EXD3: variants seen among roughly 807,000 people sequenced by gnomAD.
The protein encoded by EXD3 is exonuclease 3'-5' domain containing 3, also known as exonuclease mut-7 homolog.
Under a neutral mutation model 98.0 loss-of-function variants are expected in EXD3, and 92 were observed. The observed-to-expected ratio is 0.94, with a 90% CI of 0.79 to 1.12. The LOEUF (loss-of-function observed/expected upper bound fraction) is 1.12. Among genes scored for constraint, EXD3 ranks in the 50% most tolerant of loss-of-function variants. The probability of loss-of-function intolerance (pLI) is 0.00; values close to 1 mark genes in which losing one functional copy is unlikely to be tolerated. For synonymous variants in EXD3, 569 were observed against 526.0 expected, an observed-to-expected ratio of 1.08 and a Z score of -1.12; for missense variants, 1,222 against 1,191.6, an observed-to-expected ratio of 1.03 and a Z score of -0.38.
In EXD3 at chr9:137,354,786, GC is replaced by G; in HGVS notation, c.758-14del. ...TTGGGACACAGCGCTGAAAGGAAAG[GC>G]CAGCTCAGCACTGAGGGCTCAGGGC... On this transcript the variant is annotated splice_polypyrimidine_tract_variant and intron_variant, in intron 8 of 21. Transcript: ENST00000340951. 6.2e-7 allele frequency: 1 copy of G among 1,607,268 alleles called. No individual in the cohort carries two copies. The highest frequency in any genetic ancestry group is 2.2e-5 in the East Asian group (1 of 44,836).
At chr9:137,382,486 G>C (rs527948688) in intron 3 of EXD3, among the ~76,000 whole-genome samples, 2 of 152,190 alleles carry the variant, frequency 1.3e-5, no homozygotes, top group Non-Finnish European at 2.9e-5. Context: ...TCCGACAAGA[G>C]AGCCTGGAAA....
intron 17 of EXD3, among the ~76,000 whole-genome samples, chr9:137,326,132 C>A (rs572431790): frequency 1.3e-5 from 2 of 151,304 alleles, no homozygotes; most frequent in East Asian, 3.9e-4. Context: ...CACTTCCTGG[C>A]GCTGTATTTG....
At chr9:137,329,299 G>A (rs1260011228) in intron 17 of EXD3, among the ~76,000 whole-genome samples, 8 of 12,740 alleles carry the variant, frequency 6.3e-4, no homozygotes, top group Non-Finnish European at 8.0e-4. Context: ...GCTACAGGGG[G>A]CTACACGGGG....
intron 17 of EXD3, among the ~76,000 whole-genome samples, chr9:137,330,561 G>GACTACACAGGA (rs1564482163): frequency 1.5e-5 from 2 of 131,756 alleles, no homozygotes; most frequent in Non-Finnish European, 3.2e-5. Flanking sequence ...AGCTACACAG[G>GACTACACAGGA]GCTCCACAGG....
rs200918724 is a variant in EXD3 at position 137,349,226 on chromosome 9, G to A, written c.1714C>T (p.Arg572Cys). Reference protein sequence around the residue: ...VHQALCREPARFHLSEDLAGS... With the variant: ...VHQALCREPACFHLSEDLAGS... ...GCCAGGTCCTCCGACAGGTGGAAGC[G>A]GGCGGGCTCTCTGCACAGGGCTTGG... Residue 572 changes from arginine to cysteine, a missense_variant, in exon 16 of 22, where the codon CGC becomes TGC. Coordinates refer to ENST00000340951, the MANE Select transcript of EXD3 (RefSeq NM_017820.5). The surrounding 1 kb of genome is among the most constrained non-coding windows in gnomAD (Gnocchi z 7.4). The A allele has an allele frequency of 2.8e-3, 4,432 of 1,578,136 alleles. 17 individuals carry two copies. The highest frequency in any genetic ancestry group is 6.9e-3 in the South Asian group (603 of 87,598).
intron 1 of EXD3, among the ~76,000 whole-genome samples, chr9:137,411,696 T>G (rs979644697): frequency 0.012 from 256 of 21,428 alleles, no homozygotes; most frequent in South Asian, 0.017. Context: ...GAGGCGGGGG[T>G]GGGGGAGGTT....
chr9:137,368,139 C>A, intron 5 of EXD3, 150 bp from the exon 6 acceptor site: 1 of 665,118 alleles, frequency 1.5e-6, no homozygotes, highest in Non-Finnish European at 2.6e-6. Context: ...GGCCCTCAGG[C>A]CGAGGGGCCT....
chr9:137,387,649 C>T (rs13288962), intron 2 of EXD3, among the ~76,000 whole-genome samples: 46,511 of 152,006 alleles, frequency 0.31, 7,534 homozygotes, highest in Middle Eastern at 0.36. Flanking sequence ...CAGCACCCCA[C>T]GCACCCCAAC....
chr9:137,338,285 A>G (rs1476592174), intron 17 of EXD3, among the ~76,000 whole-genome samples: 1 of 152,252 alleles, frequency 6.6e-6, no homozygotes, highest in Non-Finnish European at 1.5e-5. Context: ...AACCTTCTAA[A>G]GAACGAAGTC....
intron 3 of EXD3, among the ~76,000 whole-genome samples, chr9:137,382,130 CGGGGAGGAG>C (rs1836335041): frequency 1.5e-5 from 2 of 133,686 alleles, no homozygotes; most frequent in African/African-American, 2.9e-5. Flanking sequence ...GGTGAGGGCG[CGGGGAGGAG>C]GTGAGGGCGC....
At chr9:137,308,136 G>A (rs767578982) in intron 20 of EXD3, among the ~76,000 whole-genome samples, 3 of 152,244 alleles carry the variant, frequency 2.0e-5, no homozygotes, top group East Asian at 1.9e-4. Flanking sequence ...CCCCCATTGA[G>A]AGCCCAGGGC....
chr9:137,411,224 C>T (rs146102066), intron 1 of EXD3, among the ~76,000 whole-genome samples: 62 of 152,272 alleles, frequency 4.1e-4, no homozygotes, highest in Non-Finnish European at 8.1e-4. Context: ...GGGAGGGGCA[C>T]GCACGCCCAG....
chr9:137,331,841 G>A (rs368367568), intron 17 of EXD3, among the ~76,000 whole-genome samples: 2 of 152,124 alleles, frequency 1.3e-5, no homozygotes, highest in African/African-American at 4.8e-5. Context: ...GCTTGAACCC[G>A]GGAGGTGGAT....
chr9:137,333,929 G>A (rs544719621), intron 17 of EXD3, among the ~76,000 whole-genome samples: 3 of 151,360 alleles, frequency 2.0e-5, no homozygotes, highest in South Asian at 4.2e-4. Context: ...TGCAACCTCC[G>A]CCTCCCAGGT....
chr9:137,306,969 G>C lies in EXD3; in HGVS notation c.2612C>G (p.Pro871Arg). 1.3e-6 allele frequency: 2 copies of C among 1,586,542 alleles called. No homozygotes were observed. Among genetic ancestry groups the C allele is most frequent in the Non-Finnish European group, 1.7e-6 (2 of 1,164,560 alleles). Residue 871 changes from proline (P) to arginine (R), a missense_variant, in exon 22 of 22, where the codon CCG (proline) becomes CGG (arginine). By Grantham distance (103) the Pro-to-Arg change is moderately radical (BLOSUM62 -2). Coordinates refer to ENST00000340951, the MANE Select transcript of EXD3 (RefSeq NM_017820.5). Reference protein sequence around the residue: ...SPCEPSPAPSPASSPF With the variant: ...SPCEPSPAPSRASSPF ...CTGTCCTCAGAAGGGACTGCTGGCC[G>C]GGCTGGGGGCTGGGCTCGGCTCGCA...
chr9:137,366,488 C>A lies in EXD3; in HGVS notation c.656+5G>T. ...TGCCAGCTGCCAGCGCCCCACGGGA[C>A]TCACCTGGCAACGTCCTTGATGTCA... On this transcript the variant is annotated splice_donor_5th_base_variant and intron_variant, in intron 7 of 21. Coordinates refer to ENST00000340951, the MANE Select transcript of EXD3 (RefSeq NM_017820.5). 1 of 1,548,722 alleles carries A rather than the reference C, an allele frequency of 6.5e-7. No homozygotes were observed. Among genetic ancestry groups the A allele is most frequent in the Non-Finnish European group, 8.7e-7 (1 of 1,145,682 alleles).
Position 137,407,889 on chromosome 9 carries a change from C to T in EXD3, c.-47-12485G>A, listed in dbSNP as rs1254301711. On this transcript the variant is annotated intron_variant, in intron 1 of 21. Coordinates refer to ENST00000340951, the MANE Select transcript of EXD3 (RefSeq NM_017820.5). This position sits in a 1 kb window ranked among gnomAD's most constrained non-coding sequence, Gnocchi z 4.4. The stretch of plus-strand genomic sequence containing the variant: ...TGGGGGGAGGCCGGAGGGGGCTTTC[C>T]CCTTGGGCACCATGGACACCCCAGG... Among the ~76,000 whole-genome samples, 17 of 152,178 alleles carry T rather than the reference C, an allele frequency of 1.1e-4. No individual in the cohort carries two copies. Among genetic ancestry groups the T allele is most frequent in the Admixed American group, 1.1e-3 (17 of 15,288 alleles).
chr9:137,328,620 G>A (rs1325930848), intron 17 of EXD3, among the ~76,000 whole-genome samples: 11 of 86,938 alleles, frequency 1.3e-4, no homozygotes, highest in African/African-American at 6.0e-4. Context: ...GGCTACACGG[G>A]ACTACACGGG....
chr9:137,368,976 G>C (rs1418527739), intron 5 of EXD3, among the ~76,000 whole-genome samples: 1 of 148,164 alleles, frequency 6.7e-6, no homozygotes, highest in Non-Finnish European at 1.5e-5. Context: ...GCCGGGGGAC[G>C]GGGTGCAGTG....
Sources: gnomAD v4.1 joint callset for allele counts (sites outside exome capture counted in the v4.1 genomes callset) on GRCh38, gnomAD v4.1.1 for gene constraint, Gnocchi (gnomAD v3.1) non-coding constraint, MANE v1.5 for transcripts, NCBI Gene and HGNC (gene_info 2026-07-23, HGNC 2026-07-21) for gene names.